Variants in THTPA observed in about 807,000 individuals in gnomAD.
THTPA encodes the protein thiamine triphosphatase.
A neutral mutation model predicts 16.5 loss-of-function variants in THTPA; 16 were observed. That is an observed-to-expected ratio of 0.97 (90% CI 0.66 to 1.47). THTPA has a LOEUF of 1.47. Ranked by LOEUF, THTPA falls within the 40% of genes most tolerant of loss-of-function variation. The pLI, the probability that THTPA is intolerant of heterozygous loss-of-function variation, is 0.00. For missense variants in THTPA, 281 were observed against 280.9 expected, an observed-to-expected ratio of 1.00 and a Z score of 0.00; for synonymous variants, 110 against 115.5, an observed-to-expected ratio of 0.95 and a Z score of 0.30.
the THTPA span, chr14:23,530,220 C>T: frequency 5.8e-5 from 86 of 1,494,164 alleles, no homozygotes; most frequent in South Asian, 9.0e-4. Flanking sequence ...GGAGAGTCAG[C>T]TTAAAGAGGT....
the THTPA span, chr14:23,529,463 T>C: frequency 2.0e-6 from 1 of 512,462 alleles, no homozygotes; most frequent in South Asian, 2.2e-5. Context: ...ATTCCTTTAT[T>C]CATCTTTCCC....
upstream of THTPA, among the ~76,000 whole-genome samples, chr14:23,554,237 C>T (rs1366902733): frequency 6.6e-6 from 1 of 152,036 alleles, no homozygotes; most frequent in Admixed American, 6.6e-5. Context: ...GGTCTTCATC[C>T]CAGGTTAACA....
the THTPA span, among the ~76,000 whole-genome samples, chr14:23,516,006 G>A: frequency 6.6e-6 from 1 of 152,116 alleles, no homozygotes; most frequent in African/African-American, 2.4e-5. Context: ...CAAATCTGAG[G>A]TTATGATAAG....
upstream of THTPA, among the ~76,000 whole-genome samples, chr14:23,551,098 C>G (rs1404408639): frequency 6.6e-6 from 1 of 152,010 alleles, no homozygotes; most frequent in East Asian, 1.9e-4. The surrounding 1 kb of genome is among the most constrained non-coding windows in gnomAD (Gnocchi z 5.3). Flanking sequence ...TCTCTTCCCC[C>G]ATCCTCGCGC....
chr14:23,516,759 G>A, the THTPA span, among the ~76,000 whole-genome samples: 2 of 152,346 alleles, frequency 1.3e-5, no homozygotes, highest in Admixed American at 6.5e-5. Context: ...TCAGCAAATG[G>A]CAGAAGATGC....
the THTPA span, chr14:23,543,243 A>ATG: frequency 6.6e-6 from 1 of 152,230 alleles, no homozygotes; most frequent in Non-Finnish European, 1.5e-5. Context: ...CTTCAATCTG[A>ATG]TGCAATAGAT....
chr14:23,551,292 G>C (rs1881925764), upstream of THTPA: 1 of 152,600 alleles, frequency 6.6e-6, no homozygotes, highest in Non-Finnish European at 1.5e-5. This position sits in a 1 kb window ranked among gnomAD's most constrained non-coding sequence, Gnocchi z 5.3. Context: ...AAGAGAGAGA[G>C]GGAGAGGAGA....
At chr14:23,533,265 G>T in the THTPA span, 36 of 1,435,946 alleles carry the variant, frequency 2.5e-5, no homozygotes, top group Non-Finnish European at 3.2e-5. The surrounding 1 kb of genome is among the most constrained non-coding windows in gnomAD (Gnocchi z 4.8). Context: ...AGAGAAGAGG[G>T]AAGAAGCACA....
At chr14:23,558,174 A>G (rs1882732394) in intron 1 of THTPA, among the ~76,000 whole-genome samples, 1 of 152,354 alleles carries the variant, frequency 6.6e-6, no homozygotes, top group Non-Finnish European at 1.5e-5. Context: ...TAACAACAAG[A>G]CACTGGCAAC....
chr14:23,538,402 T>G, the THTPA span, among the ~76,000 whole-genome samples: 1 of 151,790 alleles, frequency 6.6e-6, no homozygotes, highest in Non-Finnish European at 1.5e-5. Flanking sequence ...GCAGCGATTA[T>G]TTTTTTGCTT....
At chr14:23,555,010 T>TG (rs1456422764), upstream of THTPA, among the ~76,000 whole-genome samples, 1 of 152,012 alleles carries the variant, frequency 6.6e-6, no homozygotes, top group Non-Finnish European at 1.5e-5. Flanking sequence ...TGGGGACAGA[T>TG]GGAGTCTCGT....
At chr14:23,549,647 G>A in the THTPA span, among the ~76,000 whole-genome samples, 2 of 152,290 alleles carry the variant, frequency 1.3e-5, no homozygotes, top group Non-Finnish European at 2.9e-5. Context: ...ATGAACTGAA[G>A]GATGGGGGGC....
At chr14:23,528,822 C>T in the THTPA span, 10 of 985,268 alleles carry the variant, frequency 1.0e-5, no homozygotes, top group Non-Finnish European at 1.1e-5. Context: ...CTGCCAGAGG[C>T]CCCACCATCA....
At chr14:23,522,800 G>A in the THTPA span, 18 of 1,536,208 alleles carry the variant, frequency 1.2e-5, no homozygotes, top group Non-Finnish European at 1.4e-5. Context: ...GACAGGGTCA[G>A]TGGTGCCTGC....
Position 23,559,023 on chromosome 14 carries a change from C to T in THTPA, c.*183C>T, listed in dbSNP as rs1250104555. On this transcript the variant is annotated 3_prime_UTR_variant, in exon 2 of 2. Transcript: ENST00000288014. ...CCCTCCCTGGCTGCTTCCTCTCGCT[C>T]ATCCGTCAGATGCAATCTGTGGGCC... is the stretch of plus-strand genomic sequence containing the variant. 6 of 700,134 alleles carry T rather than the reference C, an allele frequency of 8.6e-6. No individual in the cohort carries two copies. Among genetic ancestry groups the T allele is most frequent in the East Asian group, 2.8e-5 (1 of 35,710 alleles). The allele number at this position is 700,134 out of a possible 1,614,324, so 43.4% of individuals were successfully genotyped here.
At chr14:23,557,343 C>A in intron 1 of THTPA, 39 bp downstream of exon 1, 3 of 1,519,244 alleles carry the variant, frequency 2.0e-6, no homozygotes, top group Non-Finnish European at 1.8e-6. Flanking sequence ...TCCTGCTCCC[C>A]ACTTTTCTCT....
At chr14:23,525,959 G>A in the THTPA span, 8 of 1,501,088 alleles carry the variant, frequency 5.3e-6, no homozygotes, top group East Asian at 2.5e-5. This position sits in a 1 kb window ranked among gnomAD's most constrained non-coding sequence, Gnocchi z 5.9. Context: ...GTCCAAGGGA[G>A]GTGGGGGAGG....
the THTPA span, chr14:23,525,273 G>T: frequency 3.3e-6 from 5 of 1,535,850 alleles, no homozygotes; most frequent in African/African-American, 5.5e-5. The surrounding 1 kb of genome is among the most constrained non-coding windows in gnomAD (Gnocchi z 5.9). Flanking sequence ...CCTGCCTCAG[G>T]CTCTGGGACC....
chr14:23,525,388 C>A, the THTPA span: 1 of 1,536,152 alleles, frequency 6.5e-7, no homozygotes, highest in South Asian at 1.2e-5. This position sits in a 1 kb window ranked among gnomAD's most constrained non-coding sequence, Gnocchi z 5.9. Context: ...TCTTTCGAAA[C>A]TGAGCAGCAT....
Sources: gnomAD v4.1 joint callset for allele counts (sites outside exome capture counted in the v4.1 genomes callset) on GRCh38, gnomAD v4.1.1 for gene constraint, Gnocchi (gnomAD v3.1) non-coding constraint, MANE v1.5 for transcripts, NCBI Gene and HGNC (gene_info 2026-07-23, HGNC 2026-07-21) for gene names.